The following SEC24C variants were observed in gnomAD, a reference collection of about 807,000 sequenced individuals.
The protein encoded by SEC24C is protein transport protein Sec24C.
A neutral mutation model predicts 117.0 loss-of-function variants in SEC24C; 22 were observed. The observed-to-expected ratio is 0.19, with a 90% CI of 0.13 to 0.27. The LOEUF (loss-of-function observed/expected upper bound fraction) is 0.27. Ranked by LOEUF, SEC24C falls within the 10% of genes least tolerant of loss-of-function variation. The probability of loss-of-function intolerance (pLI) is 1.00; values close to 1 mark genes in which losing one functional copy is unlikely to be tolerated. For missense variants in SEC24C, 1,155 were observed against 1,375.1 expected (o/e 0.84, Z 2.53); for synonymous variants, 506 against 529.4 (o/e 0.96, Z 0.61).
rs1397524624 is a variant in SEC24C at position 73,762,936 on chromosome 10, G to A, written c.988-554G>A. ...CACATTGATGCTTACCTGAAAGTAA[G>A]GCAGCATCTGCTTCCTCACCTTACT... On this transcript the variant is annotated intron_variant, in intron 6 of 22. Transcript: ENST00000345254. Among the ~76,000 whole-genome samples the A allele has an allele frequency of 3.3e-5, 5 of 152,180 alleles. No individual in the cohort carries two copies. In the East Asian group the frequency reaches 9.6e-4, roughly 29 times the overall value.
chr10:73,752,753 G>A (rs923714173), intron 3 of SEC24C, among the ~76,000 whole-genome samples: 5 of 152,104 alleles, frequency 3.3e-5, no homozygotes, highest in Middle Eastern at 3.4e-3. Context: ...GAGCTCACAA[G>A]TTGAAGGCTG....
intron 20 of SEC24C, 27 bp downstream of exon 20, chr10:73,770,042 T>C (rs2082949303): frequency 6.2e-7 from 1 of 1,608,228 alleles, no homozygotes; most frequent in South Asian, 1.1e-5. Flanking sequence ...GAGTATGAGA[T>C]CTTGCACGGA....
Position 73,750,959 on chromosome 10 carries a change from T to C in SEC24C, c.173-149T>C, listed in dbSNP as rs1279148673. 2.4e-5 allele frequency: 18 copies of C among 752,778 alleles called. No individual in the cohort carries two copies. The Admixed American group carries it at 4.7e-4, about 20-fold the overall frequency. 46.6% of individuals were successfully genotyped at this position (752,778 alleles called of 1,614,324 possible). A position where few individuals can be genotyped will look rare whatever the true frequency, so the allele number is the denominator to read the frequency against. ...GTTTAGAATACTGCTGTAGCTACAG[T>C]TGTATGCTGGTAGTGTCCTTTTCAC... On this transcript the variant is annotated intron_variant, in intron 2 of 22. Coordinates refer to ENST00000345254, the MANE Select transcript of SEC24C (RefSeq NM_198597.3).
In SEC24C at chr10:73,768,888, C is replaced by T. The variant is rs868233400; in HGVS notation, c.2260C>T (p.Arg754Trp). 6.2e-7 allele frequency: 1 copy of T among 1,614,090 alleles called. No individual in the cohort carries two copies. The highest frequency in any genetic ancestry group is 8.5e-7 in the Non-Finnish European group (1 of 1,180,020). ...QKVVGFDAVM[R>W]VRTSTGIRAV... is the part of the protein sequence containing the mutation. ...GGTTGTTGGCTTTGATGCTGTGATGCGGGTCCGGACAAGCACTGGTCAGTC... is the reference window on the plus strand; with the variant it reads ...GGTTGTTGGCTTTGATGCTGTGATGTGGGTCCGGACAAGCACTGGTCAGTC... The change falls in exon 16 of 23, where the codon CGG (arginine) becomes TGG (tryptophan). Residue 754 changes from arginine to tryptophan, a missense_variant. Physicochemically the swap from Arg to Trp is moderately radical, Grantham distance 101. Transcript: ENST00000345254.
At chr10:73,759,817 A>G in intron 4 of SEC24C, 23 bp downstream of exon 4, 1 of 1,544,602 alleles carries the variant, frequency 6.5e-7, no homozygotes, top group Non-Finnish European at 8.7e-7. Context: ...GAACACAGGA[A>G]TGTTACTGTC....
intron 14 of SEC24C, 60 bp from the exon 15 acceptor site, chr10:73,767,777 C>T: frequency 2.2e-6 from 3 of 1,368,968 alleles, no homozygotes; most frequent in Non-Finnish European, 3.0e-6. Context: ...ATACAGTTTT[C>T]AAATAGGGCG....
intron 1 of SEC24C, 116 bp from the exon 2 acceptor site, chr10:73,746,689 A>G: frequency 1.7e-6 from 1 of 586,546 alleles, no homozygotes. Flanking sequence ...AAGTGTGAGG[A>G]TTATTAAACT....
In SEC24C at chr10:73,759,594, G is replaced by C. The variant is rs773152367; in HGVS notation, c.309-28G>C. 3 of 1,479,510 alleles carry C rather than the reference G, an allele frequency of 2.0e-6. No individual in the cohort carries two copies. In the African/African-American group the frequency reaches 4.3e-5, roughly 21 times the overall value. The allele number at this position is 1,479,510 out of a possible 1,614,324, so 91.6% of individuals were successfully genotyped here. ...TTCAAAGGGTGTCCTGGCCCCACTA[G>C]TCACCTCTGCTTGCTTTCTTTTCAC... On this transcript the variant is annotated intron_variant, in intron 3 of 22. Coordinates refer to ENST00000345254, the MANE Select transcript of SEC24C (RefSeq NM_198597.3).
chr10:73,766,360 G>A lies in SEC24C; in HGVS notation c.1618G>A (p.Ala540Thr), dbSNP rs1442081293. ...LLDFLPREGG[A>T]EESAIRVGFV... ...TGTCACCTTCTACAGGGAGGGTGGG[G>A]CAGAAGAGTCAGCAATCCGCGTTGG... The change falls in exon 12 of 23, where the codon GCA becomes ACA. Residue 540 changes from alanine to threonine, a missense_variant. Around this residue, in one of 2 missense-constraint regions of SEC24C, gnomAD observed 759 missense variants for 992.3 expected, o/e 0.76. Coordinates refer to ENST00000345254, the MANE Select transcript of SEC24C (RefSeq NM_198597.3). The A allele has an allele frequency of 7.5e-6, 12 of 1,604,878 alleles. No individual in the cohort carries two copies. Among genetic ancestry groups the A allele is most frequent in the Non-Finnish European group, 1.0e-5 (12 of 1,173,828 alleles).
chr10:73,763,998 G>C lies in SEC24C; in HGVS notation c.1227+15G>C. Reference sequence around the variant, plus strand: ...CCCCAGAGGAGGTGAGTCAGGGAAGGGGCTAGAGTGTAATGAAAGGGAGGG... The same window carrying C: ...CCCCAGAGGAGGTGAGTCAGGGAAGCGGCTAGAGTGTAATGAAAGGGAGGG... On this transcript the variant is annotated intron_variant, in intron 8 of 22. Transcript: ENST00000345254. 6.4e-7 allele frequency: 1 copy of C among 1,565,554 alleles called. No homozygotes were observed. The highest frequency in any genetic ancestry group is 8.7e-7 in the Non-Finnish European group (1 of 1,152,862).
chr10:73,750,661 CA>C (rs2082630176), intron 2 of SEC24C, among the ~76,000 whole-genome samples: 1 of 152,246 alleles, frequency 6.6e-6, no homozygotes, highest in African/African-American at 2.4e-5. Context: ...ATAATCTCCC[CA>C]AGAGATGCCT....
In SEC24C at chr10:73,768,897, A is replaced by G; in HGVS notation, c.2269A>G (p.Thr757Ala). 6.2e-7 allele frequency: 1 copy of G among 1,614,216 alleles called. No individual in the cohort carries two copies. The highest frequency in any genetic ancestry group is 1.1e-5 in the South Asian group (1 of 91,080). The change falls in exon 16 of 23, where the codon ACA (threonine) becomes GCA (alanine). Residue 757 changes from threonine to alanine, a missense_variant. Thr to Ala is a moderately conservative substitution (Grantham distance 58). Coordinates refer to ENST00000345254, the MANE Select transcript of SEC24C (RefSeq NM_198597.3). ...VGFDAVMRVR[T>A]STGIRAVDFF... ...CTTTGATGCTGTGATGCGGGTCCGG[A>G]CAAGCACTGGTCAGTCCTGATTGAA...
At chr10:73,759,854 G>T in intron 4 of SEC24C, 60 bp downstream of exon 4, 1 of 1,484,582 alleles carries the variant, frequency 6.7e-7, no homozygotes, top group Non-Finnish European at 9.0e-7. Context: ...CAGACTCTGG[G>T]GTTATACCTG....
At chr10:73,765,317 T>C (rs944009276) in intron 8 of SEC24C, 134 bp from the exon 9 acceptor site, 5 of 895,962 alleles carry the variant, frequency 5.6e-6, no homozygotes, top group South Asian at 1.7e-5. Context: ...CCTTTCATCA[T>C]TGTGCTCCCT....
rs764180977 is a variant in SEC24C, at chr10:73,768,863, G to A, written c.2235G>A (p.Lys745=). Residue 745 remains lysine (K), a synonymous_variant, in exon 16 of 23, where the codon AAG becomes AAA. Transcript: ENST00000345254. The part of the protein sequence containing the change: ...FLSDLRRDVQ[K]VVGFDAVMRV... ...GTGACCTGCGTCGTGATGTCCAGAA[G>A]GTTGTTGGCTTTGATGCTGTGATGC... 1 of 1,614,166 alleles carries A rather than the reference G, an allele frequency of 6.2e-7. No homozygotes were observed. Among genetic ancestry groups the A allele is most frequent in the Admixed American group, 1.7e-5 (1 of 60,018 alleles).
At chr10:73,757,022 T>G (rs1256145672) in intron 3 of SEC24C, among the ~76,000 whole-genome samples, 2 of 147,878 alleles carry the variant, frequency 1.4e-5, no homozygotes, top group Non-Finnish European at 3.0e-5. Context: ...GTGAATCTCC[T>G]GTCTGAACCT....
chr10:73,749,788 T>G (rs1157313074), intron 2 of SEC24C, among the ~76,000 whole-genome samples: 3 of 152,190 alleles, frequency 2.0e-5, no homozygotes, highest in Non-Finnish European at 1.5e-5. Flanking sequence ...GTGATCCACC[T>G]GCCTTGGCCT....
At chr10:73,747,343 C>T (rs887389199) in intron 2 of SEC24C, among the ~76,000 whole-genome samples, 1 of 151,620 alleles carries the variant, frequency 6.6e-6, no homozygotes, top group African/African-American at 2.4e-5. Context: ...CCACCACGTC[C>T]AGCTAATTTT....
In SEC24C at chr10:73,746,966, A is replaced by G. The variant is rs995675534; in HGVS notation, c.134A>G (p.Asn45Ser). 4.3e-6 allele frequency: 7 copies of G among 1,613,908 alleles called. No individual in the cohort carries two copies. Among genetic ancestry groups the G allele is most frequent in the South Asian group, 2.2e-5 (2 of 90,960 alleles). ...CCCGCCATTCCCTATGGAGCCTACA[A>G]TGGCCCAGTACCAGGCTATCAGCAA... ...TAPAIPYGAY[N>S]GPVPGYQQTP... The change falls in exon 2 of 23, where the codon AAT becomes AGT. Residue 45 changes from asparagine (N) to serine (S), a missense_variant. This residue lies in a region of SEC24C where 396 missense variants were observed against 382.8 expected (regional missense o/e 1.03). Transcript: ENST00000345254.
Sources: allele counts gnomAD v4.1 joint callset (sites outside exome capture counted in the v4.1 genomes callset), GRCh38; gene constraint gnomAD v4.1.1; regional missense constraint gnomAD v4.1.1; transcripts MANE v1.5; gene names NCBI Gene and HGNC (gene_info 2026-07-23, HGNC 2026-07-21).